SERPINA9: variants seen among roughly 807,000 people sequenced by gnomAD.
The protein encoded by SERPINA9 is serpin family A member 9, also known as serpin A9.
SERPINA9 carries 32 observed loss-of-function variants against 24.5 expected under a neutral mutation model. The ratio of observed to expected loss-of-function variants is 1.30; its 90% CI spans 0.98 to 1.75. The LOEUF (loss-of-function observed/expected upper bound fraction) is 1.75, where lower values mean the gene tolerates loss of function less well. Ranked by LOEUF, SERPINA9 falls within the 40% of genes most tolerant of loss-of-function variation. SERPINA9 has a pLI of 0.00. For synonymous variants in SERPINA9, 233 were observed against 197.7 expected, an observed-to-expected ratio of 1.18 and a Z score of -1.50; for missense variants, 594 against 497.1, an observed-to-expected ratio of 1.19 and a Z score of -1.85.
Position 94,476,142 on chromosome 14 carries a change from A to T in SERPINA9, c.-24T>A, listed in dbSNP as rs769889969. 6.8e-6 allele frequency: 11 copies of T among 1,613,952 alleles called. No individual in the cohort carries two copies. The highest frequency in any genetic ancestry group is 9.3e-6 in the Non-Finnish European group (11 of 1,180,008). Reference sequence around the variant, plus strand: ...GCACCTCCTCCTTACCCACCTTTGCAGGTTCCTCTTCTCCTGCCCTGTCCT... The same window carrying T: ...GCACCTCCTCCTTACCCACCTTTGCTGGTTCCTCTTCTCCTGCCCTGTCCT... On this transcript the variant is annotated 5_prime_UTR_variant, in exon 1 of 5. Coordinates refer to ENST00000674397, the MANE Select transcript of SERPINA9 (RefSeq NM_175739.4).
At position 94,463,199 on chromosome 14, in the gene SERPINA9, G is replaced by A; in HGVS notation, c.1148C>T (p.Ser383Phe). ...KFIVRSKDGP[S>F]YFTVSFNRTF... ...CCTATTGAAGGAGACAGTGAAGTAA[G>A]AGGGGCCATCCTTCGATCGGACTAT... is the stretch of plus-strand genomic sequence containing the variant. The change falls in exon 5 of 5, where the codon TCT (serine) becomes TTT (phenylalanine). Residue 383 changes from serine to phenylalanine, a missense_variant. Physicochemically the swap from Ser to Phe is radical, Grantham distance 155 (BLOSUM62 -2). Transcript: ENST00000674397. The A allele has an allele frequency of 6.2e-7, 1 of 1,614,164 alleles. No individual in the cohort carries two copies. The highest frequency in any genetic ancestry group is 1.3e-5 in the African/African-American group (1 of 75,060).
At chr14:94,473,196 T>C (rs1262717808) in intron 1 of SERPINA9, among the ~76,000 whole-genome samples, 3 of 152,206 alleles carry the variant, frequency 2.0e-5, no homozygotes, top group Non-Finnish European at 2.9e-5. Context: ...CTTGGTGTGC[T>C]GCCCTGAGAT....
At chr14:94,475,564 C>T (rs1899568828) in intron 1 of SERPINA9, among the ~76,000 whole-genome samples, 1 of 152,112 alleles carries the variant, frequency 6.6e-6, no homozygotes, top group African/African-American at 2.4e-5. Context: ...CCTATCCCTA[C>T]TTTCCCAGTC....
chr14:94,474,062 C>T (rs1003201350), intron 1 of SERPINA9, among the ~76,000 whole-genome samples: 25 of 152,312 alleles, frequency 1.6e-4, no homozygotes, highest in Admixed American at 8.5e-4. Context: ...ATAGGATTGT[C>T]CCTGGCTATT....
chr14:94,469,087 A>C (rs1054569639), intron 2 of SERPINA9, 126 bp downstream of exon 2: 58 of 800,586 alleles, frequency 7.2e-5, no homozygotes, highest in Non-Finnish European at 1.0e-4. Context: ...AGCTAATTAG[A>C]GCTCAGGCCC....
chr14:94,470,285 T>C (rs1023098825), intron 1 of SERPINA9: 3 of 836,572 alleles, frequency 3.6e-6, no homozygotes, highest in Middle Eastern at 6.1e-4. Flanking sequence ...TTTATCCATT[T>C]TGTGTAGATC....
At chr14:94,474,165 C>A (rs1899461896) in intron 1 of SERPINA9, among the ~76,000 whole-genome samples, 1 of 152,252 alleles carries the variant, frequency 6.6e-6, no homozygotes. Context: ...ATGCCACAAG[C>A]ACCAGGGGTC....
intron 1 of SERPINA9, among the ~76,000 whole-genome samples, chr14:94,471,560 C>G (rs1445664883): frequency 6.6e-6 from 1 of 152,184 alleles, no homozygotes; most frequent in African/African-American, 2.4e-5. Flanking sequence ...CTGTTCATTT[C>G]TCTCCATTTC....
chr14:94,468,415 G>C (rs1459413578), intron 2 of SERPINA9, among the ~76,000 whole-genome samples: 1 of 152,172 alleles, frequency 6.6e-6, no homozygotes, highest in African/African-American at 2.4e-5. Flanking sequence ...CAGAGGAAGG[G>C]AGGGATGATA....
At chr14:94,465,208 C>T (rs1898946684) in intron 3 of SERPINA9, among the ~76,000 whole-genome samples, 1 of 152,196 alleles carries the variant, frequency 6.6e-6, no homozygotes, top group Non-Finnish European at 1.5e-5. Flanking sequence ...CTCAGCAGCA[C>T]TTCCTGATGC....
At position 94,476,044 on chromosome 14, in the gene SERPINA9, A is replaced by G. The variant is rs920845856; in HGVS notation, c.-18+92T>C. 30 of 1,586,218 alleles carry G rather than the reference A, an allele frequency of 1.9e-5. No homozygotes were observed. In the South Asian group the frequency reaches 2.9e-4, roughly 15 times the overall value. ...TCATCTTATTTGACTTCCCAGCTGC[A>G]TTTGACACTGAAGACCATGCTCTGA... On this transcript the variant is annotated intron_variant, in intron 1 of 4. Coordinates refer to ENST00000674397, the MANE Select transcript of SERPINA9 (RefSeq NM_175739.4).
intron 1 of SERPINA9, among the ~76,000 whole-genome samples, chr14:94,472,587 T>A (rs1899373705): frequency 6.6e-6 from 1 of 151,834 alleles, no homozygotes; most frequent in African/African-American, 2.4e-5. Context: ...ATGCAGGTAC[T>A]ATAGGAGGTG....
intron 1 of SERPINA9, among the ~76,000 whole-genome samples, chr14:94,471,208 C>T (rs1038808654): frequency 6.6e-6 from 1 of 151,988 alleles, no homozygotes; most frequent in African/African-American, 2.4e-5. Context: ...ATGGCTGCCA[C>T]CAACTCTTCT....
chr14:94,462,935 C>T lies in SERPINA9; in HGVS notation c.*158G>A. ...TGGGTGTTGGCTTGTGACTGGGGTC[C>T]CTGTTGATGGTTTGGTGATTGAGCC... On this transcript the variant is annotated 3_prime_UTR_variant, in exon 5 of 5. Coordinates refer to ENST00000674397, the MANE Select transcript of SERPINA9 (RefSeq NM_175739.4). 1.6e-6 allele frequency: 1 copy of T among 640,172 alleles called. No homozygotes were observed. The highest frequency in any genetic ancestry group is 2.8e-6 in the Non-Finnish European group (1 of 358,994). The allele number at this position is 640,172 out of a possible 1,614,324, so 39.7% of individuals were successfully genotyped here. A position where few individuals can be genotyped will look rare whatever the true frequency, so the allele number is the denominator to read the frequency against.
At chr14:94,472,824 G>A (rs1050440518) in intron 1 of SERPINA9, among the ~76,000 whole-genome samples, 4 of 152,226 alleles carry the variant, frequency 2.6e-5, no homozygotes, top group African/African-American at 7.2e-5. Context: ...GCAGAGAAGA[G>A]AGAGATTCAG....
rs1899175481 is a variant in SERPINA9 at position 94,469,298 on chromosome 14, CT to C, written c.542del (p.Lys181ArgfsTer8). 4 of 1,614,218 alleles carry C rather than the reference CT, an allele frequency of 2.5e-6. No homozygotes were observed. The highest frequency in any genetic ancestry group is 3.4e-6 in the Non-Finnish European group (4 of 1,180,028). ...AQARINSHVK[K>X]KTQGKVVDII... ...TGTCTACAACCTTCCCTTGGGTCTT[CT>C]TTTTCACATGGCTGTTGATCCTCGC... On this transcript the variant is annotated frameshift_variant, in exon 2 of 5. Transcript: ENST00000674397. LOFTEE classifies it high-confidence loss of function.
chr14:94,470,221 T>C (rs1899246200), intron 1 of SERPINA9: 2 of 1,011,132 alleles, frequency 2.0e-6, no homozygotes, highest in African/African-American at 1.7e-5. Flanking sequence ...GAACCCAGAT[T>C]GCATTAGCAG....
At chr14:94,468,888 G>A (rs2139809019) in intron 2 of SERPINA9, among the ~76,000 whole-genome samples, 1 of 152,244 alleles carries the variant, frequency 6.6e-6, no homozygotes, top group East Asian at 1.9e-4. Context: ...AGGGGCAGTG[G>A]GACAGCTGCT....
intron 4 of SERPINA9, 151 bp downstream of exon 4, chr14:94,464,556 A>T (rs1457856781): frequency 3.6e-5 from 23 of 643,302 alleles, no homozygotes; most frequent in Non-Finnish European, 5.3e-5. Context: ...GATGGTGGCC[A>T]TAGGCCGCAA....
Sources: gnomAD v4.1 joint callset for allele counts (sites outside exome capture counted in the v4.1 genomes callset) on GRCh38, gnomAD v4.1.1 for gene constraint, MANE v1.5 for transcripts, NCBI Gene and HGNC (gene_info 2026-07-23, HGNC 2026-07-21) for gene names.